Variants in ACSL3 observed in about 807,000 individuals in gnomAD.
ACSL3 encodes the protein acyl-CoA synthetase long chain family member 3, also known as fatty acid CoA ligase Acsl3.
A neutral mutation model predicts 84.7 loss-of-function variants in ACSL3; 34 were observed. The ratio of observed to expected loss-of-function variants is 0.40; its 90% CI spans 0.31 to 0.53. The LOEUF is 0.53. ACSL3 is among the 20% of genes least tolerant of loss of function. ACSL3 has a pLI of 0.48. For synonymous variants in ACSL3, 315 were observed against 299.4 expected, an observed-to-expected ratio of 1.05 and a Z score of -0.54; for missense variants, 680 against 873.1, an observed-to-expected ratio of 0.78 and a Z score of 2.79.
At chr2:222,928,734 T>A (rs925349000) in intron 12 of ACSL3, 128 bp from the exon 13 acceptor site, 9 of 827,446 alleles carry the variant, frequency 1.1e-5, no homozygotes, top group Admixed American at 1.0e-4. Flanking sequence ...AATATGTGAC[T>A]TCTGCTTTTA....
chr2:222,923,774 CAAATAT>C (rs1184166584), intron 10 of ACSL3, among the ~76,000 whole-genome samples: 3 of 120,086 alleles, frequency 2.5e-5, no homozygotes, highest in Non-Finnish European at 5.0e-5. Context: ...ACTTCAAAGT[CAAATAT>C]AAATAATCAG....
intron 15 of ACSL3, among the ~76,000 whole-genome samples, chr2:222,934,040 C>T (rs753526283): frequency 5.9e-5 from 9 of 152,052 alleles, no homozygotes; most frequent in Admixed American, 1.3e-4. Flanking sequence ...TATTTGCCTT[C>T]GTTGGGCATA....
At position 222,943,991 on chromosome 2, in the gene ACSL3, G is replaced by A. The variant is rs1013194829; in HGVS notation, c.*2337G>A. 2 of 152,038 alleles carry A rather than the reference G, an allele frequency of 1.3e-5. No homozygotes were observed. Among genetic ancestry groups the A allele is most frequent in the South Asian group, 2.1e-4 (1 of 4,816 alleles). The allele number at this position is 152,038 out of a possible 1,614,324, so 9.4% of individuals were successfully genotyped here. On this transcript the variant is annotated 3_prime_UTR_variant, in exon 17 of 17. Coordinates refer to ENST00000357430, the MANE Select transcript of ACSL3 (RefSeq NM_004457.5). ...ATAAACTAAGCTCTATGAAGAATTC[G>A]TAAGCATTACATGTTCCAGTAAGTT...
At chr2:222,866,169 G>A (rs1419624093) in intron 1 of ACSL3, among the ~76,000 whole-genome samples, 6 of 150,718 alleles carry the variant, frequency 4.0e-5, no homozygotes, top group South Asian at 2.1e-4. Flanking sequence ...TTTTTGAGAC[G>A]GAGTCTCGCT....
At chr2:222,885,301 A>G (rs189922364) in intron 1 of ACSL3, among the ~76,000 whole-genome samples, 37 of 152,272 alleles carry the variant, frequency 2.4e-4, no homozygotes, top group Admixed American at 1.4e-3. Context: ...GATGCTGCCA[A>G]ATTGCTCTCT....
chr2:222,890,106 C>A (rs887630168), intron 2 of ACSL3, among the ~76,000 whole-genome samples: 2 of 152,178 alleles, frequency 1.3e-5, no homozygotes, highest in Non-Finnish European at 2.9e-5. Context: ...CAAATGAAGA[C>A]AATATGTTAA....
intron 3 of ACSL3, among the ~76,000 whole-genome samples, chr2:222,902,877 C>T (rs961232367): frequency 6.6e-6 from 1 of 151,306 alleles, no homozygotes; most frequent in African/African-American, 2.5e-5. Flanking sequence ...AGACTTTCTC[C>T]CTCTGGGTCA....
chr2:222,922,831 G>A lies in ACSL3; in HGVS notation c.1080G>A (p.Gln360=), dbSNP rs370161161. The A allele has an allele frequency of 6.2e-7, 1 of 1,613,318 alleles. No homozygotes were observed. The highest frequency in any genetic ancestry group is 2.2e-5 in the East Asian group (1 of 44,888). Residue 360 remains glutamine (Q), a splice_region_variant and synonymous_variant, in exon 9 of 17, where the codon CAG becomes CAA. Coordinates refer to ENST00000357430, the MANE Select transcript of ACSL3 (RefSeq NM_004457.5). ...GYSSPQTLAD[Q]SSKIKKGSKG... is the part of the protein sequence containing the mutation. ...CTTCACCACAGACTTTAGCAGATCA[G>A]GTAAGTTCAGTGTCTGTGACTTGAA...
At chr2:222,890,896 GCCT>G (rs1455609536) in intron 2 of ACSL3, among the ~76,000 whole-genome samples, 1 of 152,164 alleles carries the variant, frequency 6.6e-6, no homozygotes, top group African/African-American at 2.4e-5. Context: ...GCCCACTTCA[GCCT>G]CCCAAAGTGT....
intron 1 of ACSL3, among the ~76,000 whole-genome samples, chr2:222,876,339 T>G (rs1209062834): frequency 6.6e-6 from 1 of 152,194 alleles, no homozygotes; most frequent in Non-Finnish European, 1.5e-5. Context: ...TTTTTTTGTT[T>G]TTTTTTGAGA....
intron 1 of ACSL3, among the ~76,000 whole-genome samples, chr2:222,887,582 G>T (rs1695753794): frequency 6.6e-6 from 1 of 152,150 alleles, no homozygotes; most frequent in Non-Finnish European, 1.5e-5. Flanking sequence ...GCATTGGGTG[G>T]TGTTAGTGTT....
chr2:222,895,343 G>A (rs373518061), intron 2 of ACSL3, among the ~76,000 whole-genome samples: 1 of 152,120 alleles, frequency 6.6e-6, no homozygotes, highest in African/African-American at 2.4e-5. Context: ...TCCTCCAGAG[G>A]TGTGGCTCTC....
At chr2:222,930,843 A>G in intron 14 of ACSL3, 31 bp downstream of exon 14, 1 of 1,556,644 alleles carries the variant, frequency 6.4e-7, no homozygotes, top group Non-Finnish European at 8.7e-7. Context: ...TTGAAAATGA[A>G]TGTTTCTGAA....
chr2:222,882,509 T>G (rs795893), intron 1 of ACSL3, among the ~76,000 whole-genome samples: 1 of 151,894 alleles, frequency 6.6e-6, no homozygotes, highest in South Asian at 2.1e-4. Context: ...ATGAAACTGC[T>G]CCACCTCAGA....
intron 14 of ACSL3, 51 bp from the exon 15 acceptor site, chr2:222,933,115 C>T (rs1295682929): frequency 9.2e-7 from 1 of 1,081,908 alleles, no homozygotes; most frequent in Non-Finnish European, 1.4e-6. Flanking sequence ...TTAAATGTTA[C>T]TAATATTATT....
rs748143189 is a variant in ACSL3, at chr2:222,921,410, A to C, written c.936A>C (p.Ala312=). The C allele has an allele frequency of 4.4e-6, 7 of 1,590,226 alleles. No individual in the cohort carries two copies. In the African/African-American group the frequency reaches 9.4e-5, roughly 21 times the overall value. ...SNIIAGITGM[A]ERIPELGEED... is the part of the protein sequence containing the mutation. The stretch of plus-strand genomic sequence containing the variant: ...TTATTGCTGGTATAACTGGGATGGC[A>C]GAAAGGATTCCAGAACTAGGGTATG... The change falls in exon 8 of 17, where the codon GCA becomes GCC. Residue 312 remains alanine (A), a synonymous_variant. Transcript: ENST00000357430.
intron 1 of ACSL3, among the ~76,000 whole-genome samples, chr2:222,865,543 G>A (rs887272974): frequency 1.3e-5 from 2 of 152,206 alleles, no homozygotes; most frequent in Non-Finnish European, 2.9e-5. Flanking sequence ...AGAGGTGTAT[G>A]AACAAATTAC....
intron 1 of ACSL3, among the ~76,000 whole-genome samples, chr2:222,879,737 G>A (rs1695542370): frequency 6.6e-6 from 1 of 152,168 alleles, no homozygotes. Context: ...GCACACATTT[G>A]CCGTAGTCTG....
chr2:222,909,811 C>G (rs1036890531), intron 4 of ACSL3: 3 of 152,276 alleles, frequency 2.0e-5, no homozygotes, highest in African/African-American at 7.2e-5. Context: ...CACTCAAGAG[C>G]CAAGCTGTTC....
Sources: allele counts gnomAD v4.1 joint callset (sites outside exome capture counted in the v4.1 genomes callset), GRCh38; gene constraint gnomAD v4.1.1; transcripts MANE v1.5; gene names NCBI Gene and HGNC (gene_info 2026-07-23, HGNC 2026-07-21).